Variants in LRRC7 observed in about 807,000 individuals in gnomAD.
LRRC7 encodes leucine rich repeat containing 7.
LRRC7 carries 23 observed loss-of-function variants against 175.7 expected under a neutral mutation model. That is an observed-to-expected ratio of 0.13 (90% CI 0.09 to 0.19). LRRC7 has a LOEUF of 0.19. LRRC7 is among the 10% of genes least tolerant of loss of function. LRRC7 has a pLI of 1.00. For missense variants in LRRC7, 1,354 were observed against 1,904.7 expected (o/e 0.71, Z 5.38); for synonymous variants, 685 against 680.9 (o/e 1.01, Z -0.09).
chr1:69,825,726 C>T (rs1413733778), intron 4 of LRRC7, 22 bp from the exon 5 acceptor site: 3 of 1,471,482 alleles, frequency 2.0e-6, no homozygotes, highest in African/African-American at 1.4e-5. Flanking sequence ...TTTTCATGTA[C>T]TTTGTTTTTT....
At position 69,938,995 on chromosome 1, in the gene LRRC7, T is replaced by TTATATATATATA. The variant is rs71583104; in HGVS notation, c.711+7433_711+7444dup. On this transcript the variant is annotated intron_variant, in intron 8 of 26. Transcript: ENST00000651989. ...TTTGTAAAGCCACTAAGGCTGTAGATTATATATATATATATATATCTATAT... is the reference window on the plus strand; with the variant it reads ...TTTGTAAAGCCACTAAGGCTGTAGATTATATATATATATATATATATATATATATATCTATAT... Among the ~76,000 whole-genome samples, 69 of 97,528 alleles carry TTATATATATATA rather than the reference T, an allele frequency of 7.1e-4. 1 individual carries two copies. Among genetic ancestry groups the TTATATATATATA allele is most frequent in the African/African-American group, 1.6e-3 (40 of 25,294 alleles). The allele number at this position is 97,528 out of a possible 152,430, so 64.0% of individuals were successfully genotyped here. A position where few individuals can be genotyped will look rare whatever the true frequency, so the allele number is the denominator to read the frequency against.
At position 69,994,557 on chromosome 1, in the gene LRRC7, T is replaced by G; in HGVS notation, c.932-4T>G. The G allele has an allele frequency of 6.3e-7, 1 of 1,592,162 alleles. No homozygotes were observed. The highest frequency in any genetic ancestry group is 8.6e-7 in the Non-Finnish European group (1 of 1,161,384). On this transcript the variant is annotated splice_region_variant and splice_polypyrimidine_tract_variant and intron_variant, in intron 10 of 26. Coordinates refer to ENST00000651989, the MANE Select transcript of LRRC7 (RefSeq NM_001370785.2). ...GTATTAATCAACCTTCTTCTCTGCT[T>G]TAGGACTTTTGAAAAAACTAACAAC...
At chr1:70,089,101 G>A (rs1000514349) in intron 24 of LRRC7, among the ~76,000 whole-genome samples, 8 of 151,878 alleles carry the variant, frequency 5.3e-5, no homozygotes, top group African/African-American at 1.5e-4. Flanking sequence ...TTCTTCTAAG[G>A]TTCCTAACTC....
chr1:69,873,499 A>G (rs750937664), intron 7 of LRRC7: 9 of 533,168 alleles, frequency 1.7e-5, no homozygotes, highest in Non-Finnish European at 2.7e-5. Flanking sequence ...CCCTTGCCCA[A>G]TCGCCTGAGA....
At chr1:69,769,304 A>AAATAATATAAAGTATGTG (rs1671964453) in intron 3 of LRRC7, among the ~76,000 whole-genome samples, 1 of 152,194 alleles carries the variant, frequency 6.6e-6, no homozygotes, top group Non-Finnish European at 1.5e-5. Context: ...GGTGATGATC[A>AAATAATATAAAGTATGTG]AATAATATAA....
intron 8 of LRRC7, among the ~76,000 whole-genome samples, chr1:69,943,778 A>G (rs939561198): frequency 6.6e-6 from 1 of 152,120 alleles, no homozygotes; most frequent in African/African-American, 2.4e-5. Flanking sequence ...CTCTAGGTAG[A>G]AGCAACAGGA....
intron 11 of LRRC7, among the ~76,000 whole-genome samples, chr1:70,006,980 CTG>C (rs1656049635): frequency 6.6e-6 from 1 of 152,170 alleles, no homozygotes; most frequent in Admixed American, 6.5e-5. Flanking sequence ...CCCAGCATTT[CTG>C]TGTGTTTAGC....
chr1:69,684,002 A>T (rs764074691), intron 2 of LRRC7, among the ~76,000 whole-genome samples: 40 of 152,306 alleles, frequency 2.6e-4, no homozygotes, highest in Admixed American at 1.8e-3. Context: ...ATAAATTGTC[A>T]TAAAGGAATC....
At chr1:69,668,512 A>G (rs1658601384) in intron 1 of LRRC7, among the ~76,000 whole-genome samples, 1 of 152,186 alleles carries the variant, frequency 6.6e-6, no homozygotes, top group Non-Finnish European at 1.5e-5. Context: ...TCCATGGCGT[A>G]TATGTGCCAC....
intron 3 of LRRC7, among the ~76,000 whole-genome samples, chr1:69,791,566 A>G (rs1202825371): frequency 6.6e-6 from 1 of 152,024 alleles, no homozygotes; most frequent in African/African-American, 2.4e-5. Context: ...CACAAAAGAA[A>G]TGTGAACTCA....
chr1:70,105,951 C>T (rs1160439481), intron 25 of LRRC7, among the ~76,000 whole-genome samples: 1 of 152,034 alleles, frequency 6.6e-6, no homozygotes, highest in Non-Finnish European at 1.5e-5. Context: ...CAAGTGAAAA[C>T]ACAAGTAGAA....
intron 7 of LRRC7, among the ~76,000 whole-genome samples, chr1:69,906,234 C>G (rs1030612238): frequency 5.8e-4 from 88 of 152,092 alleles, no homozygotes; most frequent in East Asian, 1.9e-4. Context: ...ATGGTAGTTT[C>G]TTTTGCTGTG....
intron 1 of LRRC7, among the ~76,000 whole-genome samples, chr1:69,621,473 T>A (rs1015117014): frequency 6.6e-6 from 1 of 152,208 alleles, no homozygotes; most frequent in African/African-American, 2.4e-5. Flanking sequence ...TCAGCGAATC[T>A]TTAGAACTGA....
At chr1:69,708,760 A>C (rs1438096715) in intron 2 of LRRC7, among the ~76,000 whole-genome samples, 1 of 152,156 alleles carries the variant, frequency 6.6e-6, no homozygotes, top group East Asian at 1.9e-4. Context: ...TATGTCGCTC[A>C]TATTCCTCCT....
intron 2 of LRRC7, among the ~76,000 whole-genome samples, chr1:69,746,756 C>T (rs1469951034): frequency 6.6e-6 from 1 of 152,008 alleles, no homozygotes; most frequent in African/African-American, 2.4e-5. Flanking sequence ...CAGAGTTGGG[C>T]CCTAGGTTCT....
rs187711212 is a variant in LRRC7, at chr1:70,002,829, C to T, written c.1004+8196C>T. 4.3e-4 allele frequency among the ~76,000 whole-genome samples: 65 copies of T among 152,064 alleles called. 3 individuals are homozygous for T. In the East Asian group the frequency reaches 0.012, roughly 28 times the overall value. ...TCATTATTTTATTAATAGTAAAATC[C>T]AAAAAGACATTTATTTACTGATCAT... On this transcript the variant is annotated intron_variant, in intron 11 of 26. Coordinates refer to ENST00000651989, the MANE Select transcript of LRRC7 (RefSeq NM_001370785.2).
intron 7 of LRRC7, among the ~76,000 whole-genome samples, chr1:69,855,784 G>A (rs1395881088): frequency 2.6e-5 from 4 of 152,078 alleles, no homozygotes; most frequent in Non-Finnish European, 5.9e-5. Flanking sequence ...GTTCTCTAAG[G>A]ACTTGCTTTA....
At chr1:69,636,911 T>G (rs1653455616) in intron 1 of LRRC7, among the ~76,000 whole-genome samples, 1 of 152,118 alleles carries the variant, frequency 6.6e-6, no homozygotes, top group East Asian at 1.9e-4. Flanking sequence ...CTGGATTTAA[T>G]TTGCTAATAT....
intron 24 of LRRC7, among the ~76,000 whole-genome samples, chr1:70,084,917 A>T (rs948845012): frequency 3.3e-5 from 5 of 152,008 alleles, no homozygotes; most frequent in African/African-American, 7.3e-5. Flanking sequence ...GTATATTTTC[A>T]TATGCTTTTT....
Sources: gnomAD v4.1 joint callset for allele counts (sites outside exome capture counted in the v4.1 genomes callset) on GRCh38, gnomAD v4.1.1 for gene constraint, MANE v1.5 for transcripts, NCBI Gene and HGNC (gene_info 2026-07-23, HGNC 2026-07-21) for gene names.